Variants in SLC24A2 observed in about 807,000 individuals in gnomAD.
SLC24A2 encodes the protein sodium/potassium/calcium exchanger 2.
A neutral mutation model predicts 62.0 loss-of-function variants in SLC24A2; 36 were observed. The ratio of observed to expected loss-of-function variants is 0.58; its 90% confidence interval spans 0.44 to 0.77. The LOEUF (loss-of-function observed/expected upper bound fraction) is 0.77, where lower values mean the gene tolerates loss of function less well. Among genes scored for constraint, SLC24A2 ranks in the 30% least tolerant of loss-of-function variants. The pLI is 0.00. For synonymous variants in SLC24A2, 358 were observed against 294.0 expected, an observed-to-expected ratio of 1.22 and a Z score of -2.23; for missense variants, 846 against 817.9, an observed-to-expected ratio of 1.03 and a Z score of -0.42.
chr9:19,789,621 C>T (rs1823281511), upstream of SLC24A2, among the ~76,000 whole-genome samples: 1 of 152,154 alleles, frequency 6.6e-6, no homozygotes, highest in Non-Finnish European at 1.5e-5. Flanking sequence ...GGCTTTTGGC[C>T]TCGGGATGTC....
chr9:20,299,005 G>A, the SLC24A2 span, among the ~76,000 whole-genome samples: 52 of 152,170 alleles, frequency 3.4e-4, no homozygotes, highest in African/African-American at 1.2e-3. Context: ...AGATGGTTTG[G>A]GGGTCGGGAT....
chr9:19,901,276 G>A, the SLC24A2 span, among the ~76,000 whole-genome samples: 1 of 152,200 alleles, frequency 6.6e-6, no homozygotes, highest in Non-Finnish European at 1.5e-5. Flanking sequence ...GACTTCCTGG[G>A]TGTAGGGGAG....
At chr9:20,278,296 C>A in the SLC24A2 span, among the ~76,000 whole-genome samples, 1 of 151,990 alleles carries the variant, frequency 6.6e-6, no homozygotes. Flanking sequence ...TATCAGGCTG[C>A]AAAATTTTTG....
intron 2 of SLC24A2, among the ~76,000 whole-genome samples, chr9:19,763,130 T>C (rs1453330286): frequency 1.3e-5 from 2 of 152,172 alleles, no homozygotes; most frequent in Non-Finnish European, 2.9e-5. Flanking sequence ...CTATTATTGG[T>C]GTATAGGAAT....
the SLC24A2 span, among the ~76,000 whole-genome samples, chr9:20,001,997 A>G: frequency 6.6e-6 from 1 of 152,176 alleles, no homozygotes. Flanking sequence ...TCTAAAATTT[A>G]TTTATTGATA....
At chr9:19,641,622 C>T (rs188843187) in intron 2 of SLC24A2, among the ~76,000 whole-genome samples, 234 of 151,354 alleles carry the variant, frequency 1.5e-3, no homozygotes, top group Non-Finnish European at 2.5e-3. Flanking sequence ...TCAAGCGATT[C>T]TCCTGCCTCA....
At chr9:20,065,257 A>G in the SLC24A2 span, among the ~76,000 whole-genome samples, 20,705 of 152,268 alleles carry the variant, frequency 0.14, 1,480 homozygotes, top group East Asian at 0.18. Flanking sequence ...GGTCTGAGAT[A>G]GACCCTGCTT....
At chr9:19,682,521 G>A (rs1469469510) in intron 2 of SLC24A2, among the ~76,000 whole-genome samples, 1 of 152,098 alleles carries the variant, frequency 6.6e-6, no homozygotes, top group Non-Finnish European at 1.5e-5. Flanking sequence ...CCACAGAAGT[G>A]GAACATCTCA....
the SLC24A2 span, among the ~76,000 whole-genome samples, chr9:20,202,526 A>C: frequency 2.5e-3 from 377 of 151,988 alleles, 2 homozygotes; most frequent in Non-Finnish European, 3.9e-3. Context: ...GCGGGGCCTG[A>C]GGGGATAGTT....
the SLC24A2 span, among the ~76,000 whole-genome samples, chr9:20,105,260 C>T: frequency 6.6e-6 from 1 of 152,152 alleles, no homozygotes; most frequent in East Asian, 1.9e-4. Flanking sequence ...GAGACTTTAA[C>T]ACCCCATTGT....
chr9:19,687,837 A>G (rs1042238995), intron 2 of SLC24A2, among the ~76,000 whole-genome samples: 3 of 151,988 alleles, frequency 2.0e-5, no homozygotes, highest in Non-Finnish European at 2.9e-5. Flanking sequence ...AGGTGCTGTG[A>G]CCCCTCAGGA....
chr9:20,100,475 G>A, the SLC24A2 span, among the ~76,000 whole-genome samples: 2 of 152,194 alleles, frequency 1.3e-5, no homozygotes, highest in East Asian at 3.9e-4. Flanking sequence ...CTGAACCCAG[G>A]TGCATTTCTC....
the SLC24A2 span, among the ~76,000 whole-genome samples, chr9:20,045,391 G>A: frequency 5.5e-4 from 84 of 152,058 alleles, 1 homozygote; most frequent in African/African-American, 1.9e-3. Flanking sequence ...GAATTAATAT[G>A]GTTAAGTAGA....
rs1721187774 is a variant in SLC24A2 at position 19,508,963 on chromosome 9, G to GC, written c.*7189dup. ...CCACCAAAGCATTATGAAATCTGCT[G>GC]CTTTACATGTCCTCCCAAGGAAGGT... On this transcript the variant is annotated 3_prime_UTR_variant, in exon 11 of 11. Coordinates refer to ENST00000341998, the MANE Select transcript of SLC24A2 (RefSeq NM_020344.4). 6.6e-6 allele frequency: 1 copy of GC among 152,138 alleles called. No homozygotes were observed. Among genetic ancestry groups the GC allele is most frequent in the Non-Finnish European group, 1.5e-5 (1 of 68,036 alleles). The allele number at this position is 152,138 out of a possible 1,614,324, so 9.4% of individuals were successfully genotyped here.
the SLC24A2 span, among the ~76,000 whole-genome samples, chr9:19,935,744 G>C: frequency 6.6e-6 from 1 of 152,198 alleles, no homozygotes; most frequent in East Asian, 1.9e-4. Context: ...TGTCTGATGT[G>C]TGTCCTAGTG....
rs376784162 is a variant in SLC24A2, at chr9:19,608,759, ATCTC to A, written c.1078+10821_1078+10824del. ...GAGGCCCTTAGTTTCCTGCACTGAA[ATCTC>A]TCTCTCTCTCTCTCTCACACACACA... On this transcript the variant is annotated intron_variant, in intron 4 of 10. Transcript: ENST00000341998. Among the ~76,000 whole-genome samples the A allele has an allele frequency of 1.2e-3, 181 of 146,776 alleles. 3 individuals are homozygous for A. The highest frequency in any genetic ancestry group is 6.2e-3 in the East Asian group (31 of 4,998).
intron 2 of SLC24A2, among the ~76,000 whole-genome samples, chr9:19,707,372 T>C (rs1003884308): frequency 9.2e-5 from 14 of 152,200 alleles, no homozygotes; most frequent in South Asian, 4.1e-4. Context: ...TTCCAATCAA[T>C]AGAAAAAGAG....
chr9:20,031,170 A>G, the SLC24A2 span, among the ~76,000 whole-genome samples: 1 of 151,458 alleles, frequency 6.6e-6, no homozygotes, highest in South Asian at 2.1e-4. Context: ...ATATTCACAT[A>G]CACATACATA....
the SLC24A2 span, among the ~76,000 whole-genome samples, chr9:19,845,969 A>T: frequency 3.4e-5 from 5 of 149,240 alleles, no homozygotes; most frequent in Non-Finnish European, 1.5e-5. Context: ...GTATGACTTC[A>T]TTTTTTTTTC....
Sources: gnomAD v4.1 joint callset for allele counts (sites outside exome capture counted in the v4.1 genomes callset) on GRCh38, gnomAD v4.1.1 for gene constraint, MANE v1.5 for transcripts, NCBI Gene and HGNC (gene_info 2026-07-23, HGNC 2026-07-21) for gene names.